The following FRMD4B variants were observed in gnomAD, a reference collection of about 807,000 sequenced individuals.
FRMD4B encodes the protein FERM domain containing 4B.
In FRMD4B, 74 loss-of-function variants were observed where a neutral mutation model predicts 141.5. The ratio of observed to expected loss-of-function variants is 0.52; its 90% CI spans 0.43 to 0.63. The LOEUF (loss-of-function observed/expected upper bound fraction) is 0.63. Ranked by LOEUF, FRMD4B falls within the 30% of genes least tolerant of loss-of-function variation. The pLI is 0.00. For missense variants in FRMD4B, 1,366 were observed against 1,253.4 expected (o/e 1.09, Z -1.36); for synonymous variants, 506 against 467.9 (o/e 1.08, Z -1.05).
intron 21 of FRMD4B, among the ~76,000 whole-genome samples, chr3:69,180,135 C>T (rs2092688977): frequency 1.3e-5 from 2 of 151,282 alleles, no homozygotes; most frequent in South Asian, 4.2e-4. Context: ...GCGGCTCTCA[C>T]ATGTAATCCC....
At chr3:69,247,850 C>T (rs190097181) in intron 7 of FRMD4B, among the ~76,000 whole-genome samples, 46 of 152,324 alleles carry the variant, frequency 3.0e-4, no homozygotes, top group Admixed American at 1.2e-3. Flanking sequence ...AGGGTTTCAC[C>T]GTGTTAGTCA....
chr3:69,523,250 G>GC (rs1700880410), intron 1 of FRMD4B, among the ~76,000 whole-genome samples: 1 of 152,154 alleles, frequency 6.6e-6, no homozygotes, highest in Non-Finnish European at 1.5e-5. Context: ...AATTAATCCA[G>GC]CCTCATAAGA....
chr3:69,417,152 A>G (rs1704881123), intron 2 of FRMD4B, among the ~76,000 whole-genome samples: 1 of 152,146 alleles, frequency 6.6e-6, no homozygotes, highest in Non-Finnish European at 1.5e-5. Context: ...GGTCGAACTA[A>G]TTTGCATTCC....
chr3:69,537,277 A>G (rs537457918), intron 1 of FRMD4B, among the ~76,000 whole-genome samples: 1 of 152,194 alleles, frequency 6.6e-6, no homozygotes, highest in East Asian at 1.9e-4. Flanking sequence ...CCCCTTTCCC[A>G]CTGGAAAACT....
chr3:69,472,900 T>C (rs887825371), intron 1 of FRMD4B, among the ~76,000 whole-genome samples: 1 of 149,282 alleles, frequency 6.7e-6, no homozygotes, highest in Non-Finnish European at 1.5e-5. Flanking sequence ...TGTAGTAGCA[T>C]ATCCAAGGCT....
intron 1 of FRMD4B, among the ~76,000 whole-genome samples, chr3:69,514,207 T>G (rs1413164403): frequency 2.0e-5 from 3 of 152,172 alleles, no homozygotes; most frequent in Non-Finnish European, 4.4e-5. Flanking sequence ...TCAGCAAGAT[T>G]GCAGGATACA....
At chr3:69,325,201 G>A (rs1166493554) in intron 1 of FRMD4B, among the ~76,000 whole-genome samples, 1 of 152,230 alleles carries the variant, frequency 6.6e-6, no homozygotes, top group Non-Finnish European at 1.5e-5. Flanking sequence ...AGAGACTGGA[G>A]GGCTGATGGT....
chr3:69,205,059 C>CAAAAAAAAAAAAAAAAAAAAAAA (rs33955997), intron 11 of FRMD4B, among the ~76,000 whole-genome samples: 5 of 124,460 alleles, frequency 4.0e-5, no homozygotes, highest in African/African-American at 6.4e-5. Context: ...ATGTTTTTAA[C>CAAAAAAAAAAAAAAAAAAAAAAA]AAAAAAAAAA....
intron 2 of FRMD4B, among the ~76,000 whole-genome samples, chr3:69,427,941 G>A (rs1705114590): frequency 6.6e-6 from 1 of 151,984 alleles, no homozygotes; most frequent in African/African-American, 2.4e-5. Flanking sequence ...CAGGCGGCGT[G>A]AGCCACCACG....
At chr3:69,540,202 A>G (rs1242103188) in intron 1 of FRMD4B, among the ~76,000 whole-genome samples, 1 of 152,104 alleles carries the variant, frequency 6.6e-6, no homozygotes, top group East Asian at 1.9e-4. Context: ...AAAAGGAAGA[A>G]TTGTAGAAAC....
intron 11 of FRMD4B, among the ~76,000 whole-genome samples, chr3:69,205,635 A>G (rs891543017): frequency 6.6e-6 from 1 of 152,094 alleles, no homozygotes; most frequent in Non-Finnish European, 1.5e-5. Flanking sequence ...AACACACTGG[A>G]GGGGAGGATG....
intron 2 of FRMD4B, among the ~76,000 whole-genome samples, chr3:69,409,096 G>C (rs534943340): frequency 6.6e-6 from 1 of 152,320 alleles, no homozygotes; most frequent in South Asian, 2.1e-4. Context: ...CTCACAGTGA[G>C]TTTTCAGGAA....
chr3:69,532,056 C>T (rs1559555035), intron 1 of FRMD4B, among the ~76,000 whole-genome samples: 1 of 152,194 alleles, frequency 6.6e-6, no homozygotes, highest in Non-Finnish European at 1.5e-5. Flanking sequence ...TTAAGTCTTA[C>T]AGCCCAACTG....
chr3:69,192,903 G>T (rs1344744905), intron 17 of FRMD4B, among the ~76,000 whole-genome samples: 6 of 151,456 alleles, frequency 4.0e-5, no homozygotes, highest in Non-Finnish European at 8.8e-5. Flanking sequence ...CTGCAGCCTC[G>T]ATTACCTGGG....
rs1234603314 is a variant in FRMD4B at position 69,267,589 on chromosome 3, GTGTGTGTATATATA to G, written c.502-17504_502-17491del. 5.1e-4 allele frequency among the ~76,000 whole-genome samples: 52 copies of G among 101,332 alleles called. 2 individuals carry two copies. Among genetic ancestry groups the G allele is most frequent in the Middle Eastern group, 5.5e-3 (1 of 182 alleles). The allele number at this position is 101,332 out of a possible 152,430, so 66.5% of individuals were successfully genotyped here. A position where few individuals can be genotyped will look rare whatever the true frequency, so the allele number is the denominator to read the frequency against. On this transcript the variant is annotated intron_variant, in intron 5 of 22. Coordinates refer to ENST00000398540, the MANE Select transcript of FRMD4B (RefSeq NM_015123.3). ...TACATATATATATATGTGTGTGTGT[GTGTGTGTATATATA>G]TATATATATATATATATATATATAT... is the stretch of plus-strand genomic sequence containing the variant.
intron 1 of FRMD4B, among the ~76,000 whole-genome samples, chr3:69,454,452 G>A (rs1194607943): frequency 6.6e-6 from 1 of 152,218 alleles, no homozygotes; most frequent in Non-Finnish European, 1.5e-5. Flanking sequence ...AGGTGCAAGT[G>A]GGAACCAGGG....
Position 69,198,771 on chromosome 3 carries a change from A to T in FRMD4B, c.880T>A (p.Phe294Ile). Residue 294 changes from phenylalanine (F) to isoleucine (I), a missense_variant, in exon 12 of 23, where the codon TTC becomes ATC. Transcript: ENST00000398540. Reference sequence around the variant, plus strand: ...AAGTTCTCCAGCTGTTTCCATTGGAATAACTAAAGAAAACAGAAAAGCCAG... The same window carrying T: ...AAGTTCTCCAGCTGTTTCCATTGGATTAACTAAAGAAAACAGAAAAGCCAG... Reference protein sequence around the residue: ...IQDKVKPRKLFQWKQLENLYF... With the variant: ...IQDKVKPRKLIQWKQLENLYF... The T allele has an allele frequency of 6.7e-7, 1 of 1,495,546 alleles. No individual in the cohort carries two copies. Among genetic ancestry groups the T allele is most frequent in the Non-Finnish European group, 9.2e-7 (1 of 1,088,648 alleles). 92.6% of individuals were successfully genotyped at this position (1,495,546 alleles called of 1,614,324 possible). A position where few individuals can be genotyped will look rare whatever the true frequency, so the allele number is the denominator to read the frequency against.
At chr3:69,498,639 T>C (rs768589278) in intron 1 of FRMD4B, among the ~76,000 whole-genome samples, 1 of 152,308 alleles carries the variant, frequency 6.6e-6, no homozygotes, top group East Asian at 1.9e-4. Context: ...CCATATAACT[T>C]TCATAGCTTA....
chr3:69,200,423 G>T, intron 11 of FRMD4B: 1 of 997,756 alleles, frequency 1.0e-6, no homozygotes, highest in Non-Finnish European at 1.2e-6. Context: ...TAAATCCAGA[G>T]GTTCCAAAAA....
Sources: gnomAD v4.1 joint callset for allele counts (sites outside exome capture counted in the v4.1 genomes callset) on GRCh38, gnomAD v4.1.1 for gene constraint, MANE v1.5 for transcripts, NCBI Gene and HGNC (gene_info 2026-07-23, HGNC 2026-07-21) for gene names.